Variants in TYW1 observed in about 807,000 individuals in gnomAD.
The protein encoded by TYW1 is tRNA-yW synthesizing protein 1 homolog, also known as S-adenosyl-L-methionine-dependent tRNA 4-demethylwyosine synthase TYW1.
Under a neutral mutation model 96.2 loss-of-function variants are expected in TYW1, and 46 were observed. The observed-to-expected ratio is 0.48, with a 90% confidence interval of 0.38 to 0.61. TYW1 has a LOEUF of 0.61. TYW1 is among the 20% of genes least tolerant of loss of function. The pLI, the probability that TYW1 is intolerant of heterozygous loss-of-function variation, is 0.00. For missense variants in TYW1, 684 were observed against 909.6 expected, an observed-to-expected ratio of 0.75 and a Z score of 3.19; for synonymous variants, 274 against 323.0, an observed-to-expected ratio of 0.85 and a Z score of 1.63.
chr7:67,159,811 A>ATTTT (rs953320581), intron 13 of TYW1, among the ~76,000 whole-genome samples: 2 of 135,144 alleles, frequency 1.5e-5, no homozygotes, highest in Admixed American at 8.1e-5. Context: ...TTATTTATTT[A>ATTTT]TTTTTTTGAG....
chr7:67,039,413 C>G (rs28393725), intron 7 of TYW1, among the ~76,000 whole-genome samples: 150,651 of 150,676 alleles, frequency 1, 75,313 homozygotes, highest in Middle Eastern at 1. Context: ...AGCCGAGATC[C>G]CGCCACTGCA....
chr7:67,067,251 T>C, intron 9 of TYW1, 34 bp from the exon 10 acceptor site: 1 of 1,609,992 alleles, frequency 6.2e-7, no homozygotes, highest in Non-Finnish European at 8.5e-7. Flanking sequence ...CTTTGACAAT[T>C]TTATTCAAAT....
At chr7:67,054,559 A>G (rs1171368584) in intron 8 of TYW1, among the ~76,000 whole-genome samples, 1 of 152,236 alleles carries the variant, frequency 6.6e-6, no homozygotes, top group Admixed American at 6.5e-5. Context: ...AGGATACAAG[A>G]CAAAGCCCTG....
chr7:67,133,096 ATT>A (rs922289778), intron 13 of TYW1, among the ~76,000 whole-genome samples: 5 of 151,968 alleles, frequency 3.3e-5, no homozygotes, highest in African/African-American at 7.3e-5. Flanking sequence ...TTAAATTTCT[ATT>A]TTCTATCCTC....
At chr7:67,228,337 C>G (rs375219972) in intron 15 of TYW1, among the ~76,000 whole-genome samples, 1 of 152,116 alleles carries the variant, frequency 6.6e-6, no homozygotes, top group African/African-American at 2.4e-5. Flanking sequence ...AGGGAAACCC[C>G]CCTTCGTAAA....
At chr7:67,163,875 G>A (rs1180482208) in intron 13 of TYW1, among the ~76,000 whole-genome samples, 2 of 151,948 alleles carry the variant, frequency 1.3e-5, no homozygotes, top group Non-Finnish European at 2.9e-5. Flanking sequence ...CACCATGTTG[G>A]CCAGGCTGGT....
At chr7:67,186,780 A>T (rs1460230772) in intron 14 of TYW1, among the ~76,000 whole-genome samples, 1 of 152,176 alleles carries the variant, frequency 6.6e-6, no homozygotes, top group Non-Finnish European at 1.5e-5. Context: ...GACATGAGCC[A>T]CTGCAGCCGG....
intron 13 of TYW1, among the ~76,000 whole-genome samples, chr7:67,163,270 T>G (rs36108108): frequency 0.28 from 42,750 of 152,012 alleles, 6,522 homozygotes; most frequent in African/African-American, 0.4. Flanking sequence ...CACAGTAGTA[T>G]TTACACTAAA....
chr7:67,202,458 G>A (rs138043271), intron 15 of TYW1, among the ~76,000 whole-genome samples: 9 of 152,218 alleles, frequency 5.9e-5, no homozygotes, highest in African/African-American at 9.6e-5. Flanking sequence ...GTGCAGTGGC[G>A]TGAACATGGC....
At chr7:67,199,460 T>C (rs1024052183) in intron 15 of TYW1, among the ~76,000 whole-genome samples, 22 of 152,312 alleles carry the variant, frequency 1.4e-4, no homozygotes, top group African/African-American at 5.3e-4. Flanking sequence ...CTTAAGACAA[T>C]GCAGTATCTC....
chr7:67,024,387 A>G (rs1452871920), intron 6 of TYW1, among the ~76,000 whole-genome samples: 1 of 152,022 alleles, frequency 6.6e-6, no homozygotes, highest in Non-Finnish European at 1.5e-5. Context: ...GGCTGGTTTC[A>G]AACTCCTGAG....
intron 10 of TYW1, among the ~76,000 whole-genome samples, chr7:67,076,240 T>G (rs1045476022): frequency 1.3e-5 from 2 of 152,200 alleles, no homozygotes; most frequent in Admixed American, 1.3e-4. Context: ...GGGTGAATGT[T>G]TCAGGTTATA....
intron 13 of TYW1, among the ~76,000 whole-genome samples, chr7:67,160,893 C>T (rs972217168): frequency 6.6e-6 from 1 of 151,952 alleles, no homozygotes; most frequent in Non-Finnish European, 1.5e-5. Flanking sequence ...TGCCCGGCCT[C>T]TCTATTTCTT....
intron 14 of TYW1, among the ~76,000 whole-genome samples, chr7:67,194,499 C>T (rs1465095516): frequency 6.6e-6 from 1 of 152,086 alleles, no homozygotes; most frequent in Admixed American, 6.5e-5. Context: ...GTGGCAGGCG[C>T]CTGTAATCCC....
chr7:67,044,250 C>T (rs763387569), intron 7 of TYW1, among the ~76,000 whole-genome samples: 2 of 151,742 alleles, frequency 1.3e-5, no homozygotes, highest in Non-Finnish European at 2.9e-5. Flanking sequence ...AAGCGCATGC[C>T]ACCACGCCTG....
chr7:67,049,787 T>G (rs1795300999), intron 7 of TYW1, among the ~76,000 whole-genome samples, 162 bp from the exon 8 acceptor site: 1 of 152,180 alleles, frequency 6.6e-6, no homozygotes, highest in Non-Finnish European at 1.5e-5. Flanking sequence ...CCTCAGGTGA[T>G]CCGCCTGCCC....
intron 7 of TYW1, among the ~76,000 whole-genome samples, chr7:67,030,905 A>G (rs1299219728): frequency 5.3e-5 from 8 of 151,938 alleles, no homozygotes; most frequent in Non-Finnish European, 1.0e-4. Flanking sequence ...ATCAAATTAA[A>G]AAAAAAATTA....
chr7:67,085,633 A>G (rs1476181709), intron 11 of TYW1, among the ~76,000 whole-genome samples: 2 of 152,208 alleles, frequency 1.3e-5, no homozygotes, highest in Non-Finnish European at 2.9e-5. Flanking sequence ...GAGAAAAGTC[A>G]TGCAAATAAT....
chr7:67,089,921 G>A (rs996987144), intron 11 of TYW1, among the ~76,000 whole-genome samples: 6 of 152,172 alleles, frequency 3.9e-5, no homozygotes, highest in African/African-American at 1.4e-4. Flanking sequence ...GGGAGAAATA[G>A]TTCCCAGAAA....
Sources: allele counts gnomAD v4.1 joint callset (sites outside exome capture counted in the v4.1 genomes callset), GRCh38; gene constraint gnomAD v4.1.1; transcripts MANE v1.5; gene names NCBI Gene and HGNC (gene_info 2026-07-23, HGNC 2026-07-21).